The following SMTNL1 variants were observed in gnomAD, a reference collection of about 807,000 sequenced individuals.
SMTNL1 encodes smoothelin-like protein 1.
SMTNL1 carries 41 observed loss-of-function variants against 46.6 expected under a neutral mutation model. That is an observed-to-expected ratio of 0.88 (90% CI 0.69 to 1.14). The LOEUF (loss-of-function observed/expected upper bound fraction) is 1.14. SMTNL1 is among the 50% of genes most tolerant of loss of function. SMTNL1 has a pLI of 0.00. For synonymous variants in SMTNL1, 234 were observed against 234.2 expected, an observed-to-expected ratio of 1.00 and a Z score of 0.01; for missense variants, 591 against 626.1, an observed-to-expected ratio of 0.94 and a Z score of 0.60.
At chr11:57,542,618 G>A in intron 1 of SMTNL1, 23 bp from the exon 2 acceptor site, 1 of 1,580,104 alleles carries the variant, frequency 6.3e-7, no homozygotes, top group Non-Finnish European at 8.6e-7. Flanking sequence ...GCATGACCAG[G>A]TCTGCTTGTC....
intron 7 of SMTNL1, 69 bp from the exon 8 acceptor site, chr11:57,549,899 C>T: frequency 5.1e-6 from 8 of 1,566,846 alleles, no homozygotes; most frequent in Non-Finnish European, 7.0e-6. Context: ...GGGCTGCCTG[C>T]ACCCATCCCC....
intron 2 of SMTNL1, 32 bp from the exon 3 acceptor site, chr11:57,543,592 C>T (rs1230551902): frequency 1.9e-6 from 3 of 1,598,854 alleles, no homozygotes; most frequent in Non-Finnish European, 8.5e-7. Context: ...TGCTGTGTGA[C>T]CATGAGCTCA....
At chr11:57,538,826 C>T (rs141766880) in intron 1 of SMTNL1, among the ~76,000 whole-genome samples, 234 of 152,306 alleles carry the variant, frequency 1.5e-3, no homozygotes, top group African/African-American at 5.2e-3. Context: ...GCAGGGCCTC[C>T]GCAGCATAAG....
At position 57,543,392 on chromosome 11, in the gene SMTNL1, G is replaced by C; in HGVS notation, c.732+18G>C. The C allele has an allele frequency of 6.2e-7, 1 of 1,605,640 alleles. No homozygotes were observed. Among genetic ancestry groups the C allele is most frequent in the Non-Finnish European group, 8.5e-7 (1 of 1,175,070 alleles). On this transcript the variant is annotated intron_variant, in intron 2 of 7. Coordinates refer to ENST00000527972, the MANE Select transcript of SMTNL1 (RefSeq NM_001105565.3). ...AGGAGGCAGTGAGTGAGGCAGGAAAGGAGCAAGGAGGCTCTGTCGTCTCCT... is the reference window on the plus strand; with the variant it reads ...AGGAGGCAGTGAGTGAGGCAGGAAACGAGCAAGGAGGCTCTGTCGTCTCCT...
intron 7 of SMTNL1, 78 bp downstream of exon 7, chr11:57,546,730 G>A (rs1355674604): frequency 4.0e-6 from 6 of 1,515,480 alleles, no homozygotes; most frequent in East Asian, 2.4e-5. Flanking sequence ...GAGTAGTGAG[G>A]CAGTTACACC....
Position 57,550,064 on chromosome 11 carries a change from G to C in SMTNL1, c.1437G>C (p.Leu479=). 1 of 1,613,890 alleles carries C rather than the reference G, an allele frequency of 6.2e-7. No homozygotes were observed. The highest frequency in any genetic ancestry group is 8.5e-7 in the Non-Finnish European group (1 of 1,179,828). The change falls in exon 8 of 8, where the codon CTG becomes CTC. Residue 479 remains leucine, a synonymous_variant. Coordinates refer to ENST00000527972, the MANE Select transcript of SMTNL1 (RefSeq NM_001105565.3). Reference sequence around the variant, plus strand: ...GCGTCTACACATACATCCAGGAACTGTACCGCAGCCTTGTGCAGAAAGGAC... The same window carrying C: ...GCGTCTACACATACATCCAGGAACTCTACCGCAGCCTTGTGCAGAAAGGAC... ...SKCVYTYIQE[L]YRSLVQKGLV...
In SMTNL1 at chr11:57,550,105, A is replaced by G; in HGVS notation, c.1478A>G (p.Lys493Arg). Reference protein sequence around the residue: ...LVQKGLVKTKKK With the variant: ...LVQKGLVKTKRK The stretch of plus-strand genomic sequence containing the variant: ...CAGAAAGGACTGGTGAAGACCAAGA[A>G]GAAGTGAGGAGGTGACTGGCTCTGT... The change falls in exon 8 of 8, where the codon AAG (lysine) becomes AGG (arginine). Residue 493 changes from lysine (K) to arginine (R), a missense_variant. Coordinates refer to ENST00000527972, the MANE Select transcript of SMTNL1 (RefSeq NM_001105565.3). The G allele has an allele frequency of 6.2e-7, 1 of 1,612,476 alleles. No individual in the cohort carries two copies. The highest frequency in any genetic ancestry group is 8.5e-7 in the Non-Finnish European group (1 of 1,179,200).
At chr11:57,538,361 AAG>A (rs568884676) in intron 1 of SMTNL1, among the ~76,000 whole-genome samples, 47 of 152,292 alleles carry the variant, frequency 3.1e-4, no homozygotes, top group African/African-American at 1.0e-3. Context: ...AAGAAACAGG[AAG>A]AGAGAGGGAG....
chr11:57,543,952 T>A, intron 4 of SMTNL1, 32 bp downstream of exon 4: 1 of 1,562,886 alleles, frequency 6.4e-7, no homozygotes, highest in Non-Finnish European at 8.7e-7. Flanking sequence ...CCAGCTCCAA[T>A]TCCCCCTACC....
chr11:57,545,384 C>T (rs973208191), intron 4 of SMTNL1, among the ~76,000 whole-genome samples: 1 of 151,854 alleles, frequency 6.6e-6, no homozygotes, highest in African/African-American at 2.4e-5. Context: ...GCGGGTAGAT[C>T]ACTTGAGGTC....
chr11:57,546,117 G>C, intron 5 of SMTNL1, 81 bp downstream of exon 5: 1 of 1,517,202 alleles, frequency 6.6e-7, no homozygotes, highest in East Asian at 2.3e-5. Context: ...GGGGCAGTGG[G>C]AACAGCCCAG....
chr11:57,543,632 C>T lies in SMTNL1; in HGVS notation c.741C>T (p.Gly247=). The change falls in exon 3 of 8, where the codon GGC becomes GGT. Residue 247 remains glycine, a synonymous_variant. Transcript: ENST00000527972. Reference sequence around the variant, plus strand: ...GATCATGCTCATTCCAGGAGCCAGGCAGTCCCAGCGAAGAGCAGGAGCAGG... The same window carrying T: ...GATCATGCTCATTCCAGGAGCCAGGTAGTCCCAGCGAAGAGCAGGAGCAGG... ...EAEDAEEAEP[G]SPSEEQEQDV... is the part of the protein sequence containing the mutation. The T allele has an allele frequency of 6.2e-7, 1 of 1,607,660 alleles. No individual in the cohort carries two copies. The highest frequency in any genetic ancestry group is 8.5e-7 in the Non-Finnish European group (1 of 1,177,478).
In SMTNL1 at chr11:57,543,141, G is replaced by A; in HGVS notation, c.499G>A (p.Glu167Lys). Residue 167 changes from glutamate (E) to lysine (K), a missense_variant, in exon 2 of 8, where the codon GAG becomes AAG. Physicochemically the swap from Glu to Lys is moderately conservative, Grantham distance 56. Transcript: ENST00000527972. ...CAAGCCTGAACCTAAGGCAACAGTT[G>A]AGGAGGAGGACGCCAAGACAGCCTC... ...RDKPEPKATV[E>K]EEDAKTASQE... 1 of 1,613,400 alleles carries A rather than the reference G, an allele frequency of 6.2e-7. No homozygotes were observed. Among genetic ancestry groups the A allele is most frequent in the Non-Finnish European group, 8.5e-7 (1 of 1,179,620 alleles).
intron 4 of SMTNL1, among the ~76,000 whole-genome samples, chr11:57,545,331 G>A (rs547214440): frequency 2.9e-4 from 44 of 152,082 alleles, no homozygotes; most frequent in African/African-American, 7.5e-4. Context: ...CATGCCAAGC[G>A]CAGTGGCTCA....
intron 1 of SMTNL1, among the ~76,000 whole-genome samples, 161 bp from the exon 2 acceptor site, chr11:57,542,480 G>A (rs77890434): frequency 0.095 from 14,458 of 152,226 alleles, 776 homozygotes; most frequent in Middle Eastern, 0.23. Context: ...CCAGCTTTGG[G>A]GAAGCACTTC....
intron 4 of SMTNL1, among the ~76,000 whole-genome samples, chr11:57,545,571 C>T (rs1013283969): frequency 1.3e-5 from 2 of 150,890 alleles, no homozygotes; most frequent in African/African-American, 2.4e-5. Context: ...CACCACTGCA[C>T]TCCAGCCTGG....
At chr11:57,538,243 A>G (rs1216078174) in intron 1 of SMTNL1, among the ~76,000 whole-genome samples, 4 of 152,104 alleles carry the variant, frequency 2.6e-5, no homozygotes, top group Admixed American at 2.0e-4. Context: ...CAACCAGATG[A>G]CAGATGAGGC....
chr11:57,542,827 T>C lies in SMTNL1; in HGVS notation c.185T>C (p.Met62Thr). 6.2e-7 allele frequency: 1 copy of C among 1,613,672 alleles called. No individual in the cohort carries two copies. Among genetic ancestry groups the C allele is most frequent in the South Asian group, 1.1e-5 (1 of 90,986 alleles). ...KQEKAPAEDG[M>T]SAELQGEANG... is the part of the protein sequence containing the mutation. ...GAAAAGGCACCAGCCGAGGACGGCA[T>C]GTCAGCAGAACTCCAGGGGGAAGCA... is the stretch of plus-strand genomic sequence containing the variant. Residue 62 changes from methionine (M) to threonine (T), a missense_variant, in exon 2 of 8, where the codon ATG becomes ACG. Met to Thr is a moderately conservative substitution (Grantham distance 81). Transcript: ENST00000527972.
chr11:57,546,577 C>A lies in SMTNL1; in HGVS notation c.1265C>A (p.Pro422His). Residue 422 changes from proline (P) to histidine (H), a missense_variant, in exon 7 of 8, where the codon CCT becomes CAT. Coordinates refer to ENST00000527972, the MANE Select transcript of SMTNL1 (RefSeq NM_001105565.3). ...AFCALIHKFF[P>H]DAFDYAELDP... ...TGTGCCCTCATCCACAAGTTCTTCC[C>A]TGACGCCTTTGACTACGCAGAGCTG... The A allele has an allele frequency of 6.2e-7, 1 of 1,614,166 alleles. No homozygotes were observed. The highest frequency in any genetic ancestry group is 8.5e-7 in the Non-Finnish European group (1 of 1,179,994).
Sources: gnomAD v4.1 joint callset for allele counts (sites outside exome capture counted in the v4.1 genomes callset) on GRCh38, gnomAD v4.1.1 for gene constraint, MANE v1.5 for transcripts, NCBI Gene and HGNC (gene_info 2026-07-23, HGNC 2026-07-21) for gene names.